Variants in SRGAP2C observed in about 807,000 individuals in gnomAD.
The protein encoded by SRGAP2C is SLIT-ROBO Rho GTPase activating protein 2C, also known as SLIT-ROBO Rho GTPase-activating protein 2C.
In SRGAP2C, 15 loss-of-function variants were observed where a neutral mutation model predicts 25.1. The observed-to-expected ratio is 0.60, with a 90% CI of 0.40 to 0.92. SRGAP2C has a LOEUF of 0.92. SRGAP2C is among the 40% of genes least tolerant of loss of function. The pLI is 0.00. For missense variants in SRGAP2C, 144 were observed against 264.4 expected (o/e 0.54, Z 3.16); for synonymous variants, 44 against 96.6 (o/e 0.46, Z 3.19).
intron 2 of SRGAP2C, among the ~76,000 whole-genome samples, chr1:121,277,330 C>T: frequency 6.6e-6 from 1 of 152,088 alleles, no homozygotes; most frequent in Admixed American, 6.6e-5. Flanking sequence ...CTCACTTTAT[C>T]CATTACCGCC....
intron 8 of SRGAP2C, among the ~76,000 whole-genome samples, chr1:121,385,113 G>A (rs2101682047): frequency 6.7e-6 from 1 of 150,352 alleles, no homozygotes; most frequent in East Asian, 2.0e-4. Flanking sequence ...TGCAGATTGT[G>A]GAGGCAACAG....
intron 2 of SRGAP2C, among the ~76,000 whole-genome samples, chr1:121,239,246 CTA>C (rs1217800804): frequency 0.038 from 28 of 736 alleles, 4 homozygotes; most frequent in African/African-American, 0.061. Flanking sequence ...TATATATATA[CTA>C]TATATATATA....
intron 2 of SRGAP2C, among the ~76,000 whole-genome samples, chr1:121,282,397 TA>T (rs1464936376): frequency 5.3e-5 from 8 of 150,730 alleles, no homozygotes; most frequent in Non-Finnish European, 8.9e-5. Flanking sequence ...TATTCCTTTC[TA>T]TTCCCCTGGT....
chr1:121,206,211 C>T (rs187811238), intron 2 of SRGAP2C, among the ~76,000 whole-genome samples: 8 of 152,054 alleles, frequency 5.3e-5, no homozygotes, highest in South Asian at 2.1e-4. Context: ...CATGCTCCTT[C>T]CCCCAGACTA....
intron 7 of SRGAP2C, among the ~76,000 whole-genome samples, chr1:121,381,106 G>A (rs587743554): frequency 7.6e-5 from 7 of 92,162 alleles, no homozygotes; most frequent in Non-Finnish European, 1.4e-4. Flanking sequence ...GCCCATGCCC[G>A]TGCAGCGTCC....
At chr1:121,259,477 CA>C (rs55999205) in intron 2 of SRGAP2C, among the ~76,000 whole-genome samples, 37 of 62,798 alleles carry the variant, frequency 5.9e-4, no homozygotes, top group Non-Finnish European at 7.6e-4. Context: ...GAGACTGTCT[CA>C]AAAAAAAAAA....
chr1:121,284,768 G>A (rs1288733061), intron 2 of SRGAP2C, 35 bp from the exon 3 acceptor site: 8 of 537,434 alleles, frequency 1.5e-5, no homozygotes, highest in Non-Finnish European at 2.4e-5. Context: ...ATTTAGGGCT[G>A]TCTTTCTGAC....
At chr1:121,207,567 G>A (rs1553322741) in intron 2 of SRGAP2C, among the ~76,000 whole-genome samples, 2 of 152,312 alleles carry the variant, frequency 1.3e-5, no homozygotes, top group South Asian at 2.1e-4. Flanking sequence ...GGAGGCAGAA[G>A]TGGTTGATCT....
intron 3 of SRGAP2C, among the ~76,000 whole-genome samples, chr1:121,294,758 G>T (rs1372014643): frequency 7.1e-6 from 1 of 141,398 alleles, no homozygotes; most frequent in Non-Finnish European, 1.5e-5. Context: ...TCCTTGCAGA[G>T]ACCTTCTGCT....
At chr1:121,337,658 TA>T (rs1658547455) in intron 4 of SRGAP2C, among the ~76,000 whole-genome samples, 1 of 134,380 alleles carries the variant, frequency 7.4e-6, no homozygotes, top group South Asian at 2.4e-4. Flanking sequence ...AATAAATAAA[TA>T]AAATAAAAAT....
chr1:121,375,386 C>T (rs1277874740), intron 7 of SRGAP2C, among the ~76,000 whole-genome samples: 3 of 136,274 alleles, frequency 2.2e-5, no homozygotes, highest in Non-Finnish European at 4.7e-5. Flanking sequence ...TGCAGTGGTG[C>T]AATCTTGGCT....
rs1322388329 is a variant in SRGAP2C at position 121,372,844 on chromosome 1, T to A, written c.487-1127T>A. 3.8e-5 allele frequency among the ~76,000 whole-genome samples: 3 copies of A among 79,740 alleles called. 1 individual carries two copies. The highest frequency in any genetic ancestry group is 7.3e-5 in the Non-Finnish European group (3 of 41,196). The allele number at this position is 79,740 out of a possible 152,430, so 52.3% of individuals were successfully genotyped here. ...TATTAAGTGGTAGATATTAATAATA[T>A]TGTACCTTTGCACTCCTGTGTTACA... On this transcript the variant is annotated intron_variant, in intron 5 of 9. Transcript: ENST00000367123.
chr1:121,285,469 C>T (rs1205771055), intron 3 of SRGAP2C, among the ~76,000 whole-genome samples: 5 of 149,646 alleles, frequency 3.3e-5, no homozygotes, highest in African/African-American at 4.9e-5. Context: ...TGGAATTGGG[C>T]TGCAGGGTCT....
At chr1:121,281,154 T>TATC (rs1483754497) in intron 2 of SRGAP2C, among the ~76,000 whole-genome samples, 1 of 151,718 alleles carries the variant, frequency 6.6e-6, no homozygotes, top group Non-Finnish European at 1.5e-5. Context: ...TTTGTAGGAG[T>TATC]AGCAGCAGCA....
At chr1:121,315,156 A>G (rs1255745386) in intron 3 of SRGAP2C, 8 of 390,012 alleles carry the variant, frequency 2.1e-5, no homozygotes, top group Admixed American at 3.7e-5. Flanking sequence ...CTATTTATTT[A>G]TTTTTTAAGA....
At chr1:121,193,673 T>TTTC (rs1654755504) in intron 2 of SRGAP2C, among the ~76,000 whole-genome samples, 1 of 54,152 alleles carries the variant, frequency 1.8e-5, no homozygotes, top group Non-Finnish European at 3.3e-5. Flanking sequence ...TTTTCTTTTT[T>TTTC]TTTTTTTTTT....
rs1286488485 is a variant in SRGAP2C at position 121,280,285 on chromosome 1, G to GA, written c.68-4512dup. The stretch of plus-strand genomic sequence containing the variant: ...TGTCATTTTTAAAAAAACATAATAA[G>GA]AAAAAATGATAGAGGACATTGGATT... On this transcript the variant is annotated intron_variant, in intron 2 of 9. Coordinates refer to ENST00000367123, the MANE Select transcript of SRGAP2C (RefSeq NM_001329984.2). Among the ~76,000 whole-genome samples, 23 of 150,592 alleles carry GA rather than the reference G, an allele frequency of 1.5e-4. 1 individual carries two copies. The highest frequency in any genetic ancestry group is 3.2e-3 in the Middle Eastern group (1 of 312).
At chr1:121,351,399 G>T (rs1229297249) in intron 4 of SRGAP2C, among the ~76,000 whole-genome samples, 5 of 151,714 alleles carry the variant, frequency 3.3e-5, no homozygotes, top group Non-Finnish European at 7.4e-5. Flanking sequence ...CACGAGGTCC[G>T]GAGATCGAGA....
chr1:121,305,105 T>C (rs1445622639), intron 3 of SRGAP2C, among the ~76,000 whole-genome samples: 1 of 148,190 alleles, frequency 6.7e-6, no homozygotes, highest in African/African-American at 2.5e-5. Context: ...AGCCATCTTA[T>C]GGATTGAGAC....
Sources: gnomAD v4.1 joint callset for allele counts (sites outside exome capture counted in the v4.1 genomes callset) on GRCh38, gnomAD v4.1.1 for gene constraint, MANE v1.5 for transcripts, NCBI Gene and HGNC (gene_info 2026-07-23, HGNC 2026-07-21) for gene names.